The following TCP11L2 variants were observed in gnomAD, a reference collection of about 807,000 sequenced individuals.
TCP11L2 encodes T-complex protein 11-like protein 2.
A neutral mutation model predicts 50.7 loss-of-function variants in TCP11L2; 39 were observed. That is an observed-to-expected ratio of 0.77 (90% CI 0.60 to 1.01). TCP11L2 has a LOEUF of 1.01. Ranked by LOEUF, TCP11L2 falls within the 50% of genes least tolerant of loss-of-function variation. TCP11L2 has a pLI of 0.00. For missense variants in TCP11L2, 612 were observed against 614.7 expected (o/e 1.00, Z 0.05); for synonymous variants, 192 against 219.3 (o/e 0.88, Z 1.10).
intron 8 of TCP11L2, among the ~76,000 whole-genome samples, chr12:106,336,940 C>T (rs2035942676): frequency 1.3e-5 from 2 of 152,206 alleles, no homozygotes; most frequent in Non-Finnish European, 2.9e-5. Context: ...CAATTCTGCC[C>T]TTCAGAGATG....
At chr12:106,316,492 T>G (rs931540290) in intron 3 of TCP11L2, among the ~76,000 whole-genome samples, 2 of 152,042 alleles carry the variant, frequency 1.3e-5, no homozygotes, top group African/African-American at 4.8e-5. Context: ...CTCATAAACT[T>G]TGTTCCTCTG....
intron 5 of TCP11L2, among the ~76,000 whole-genome samples, chr12:106,322,665 T>C (rs970962425): frequency 2.0e-5 from 3 of 152,136 alleles, no homozygotes; most frequent in Non-Finnish European, 2.9e-5. Context: ...GGTGGCCACA[T>C]TGAGAATTGA....
chr12:106,306,824 C>T (rs2034648993), intron 1 of TCP11L2, among the ~76,000 whole-genome samples: 1 of 152,194 alleles, frequency 6.6e-6, no homozygotes, highest in Non-Finnish European at 1.5e-5. Flanking sequence ...TGTTTCTAGT[C>T]AGTAAATAAT....
chr12:106,314,187 T>C (rs1412482299), intron 2 of TCP11L2, among the ~76,000 whole-genome samples, 171 bp from the exon 3 acceptor site: 1 of 152,232 alleles, frequency 6.6e-6, no homozygotes, highest in Non-Finnish European at 1.5e-5. Flanking sequence ...TCTTAAATTT[T>C]TGAAGCCTTT....
intron 4 of TCP11L2, among the ~76,000 whole-genome samples, chr12:106,320,011 C>T (rs575561746): frequency 6.6e-6 from 1 of 152,326 alleles, no homozygotes; most frequent in South Asian, 2.1e-4. Flanking sequence ...GTTCTTTCTT[C>T]CCTGAACTTT....
At chr12:106,335,189 T>C (rs1256983884) in intron 6 of TCP11L2, among the ~76,000 whole-genome samples, 4 of 152,182 alleles carry the variant, frequency 2.6e-5, no homozygotes, top group Middle Eastern at 3.2e-3. Flanking sequence ...CTTTCACCTT[T>C]TACCAAAAAT....
At chr12:106,320,381 A>G (rs1040433123) in intron 4 of TCP11L2, among the ~76,000 whole-genome samples, 4 of 152,076 alleles carry the variant, frequency 2.6e-5, no homozygotes, top group Admixed American at 1.3e-4. Flanking sequence ...CTGGTGACAG[A>G]GCGAGACTCC....
At position 106,303,885 on chromosome 12, in the gene TCP11L2, T is replaced by C. The variant is rs1265912070; in HGVS notation, c.-36+944T>C. 7 of 152,176 alleles carry C rather than the reference T, an allele frequency of 4.6e-5. 1 individual carries two copies. In the East Asian group the frequency reaches 1.4e-3, roughly 29 times the overall value. 9.4% of individuals were successfully genotyped at this position (152,176 alleles called of 1,614,324 possible). ...AAGAGTGGCACTCAAACGACTTAAG[T>C]TTGGGAAATCTTAGATGGTTGTCCT... On this transcript the variant is annotated intron_variant, in intron 1 of 9. Coordinates refer to ENST00000299045, the MANE Select transcript of TCP11L2 (RefSeq NM_152772.3).
chr12:106,336,547 ATTTT>A (rs11449901), intron 8 of TCP11L2, among the ~76,000 whole-genome samples: 151 of 102,150 alleles, frequency 1.5e-3, no homozygotes, highest in Admixed American at 1.9e-3. Flanking sequence ...GAATTGCGCA[ATTTT>A]TTTTTTTTTT....
At position 106,346,345 on chromosome 12, in the gene TCP11L2, A is replaced by T. The variant is rs757062673; in HGVS notation, c.1375A>T (p.Met459Leu). The T allele has an allele frequency of 4.2e-5, 67 of 1,614,004 alleles. No individual in the cohort carries two copies. The Middle Eastern group carries it at 4.9e-4, about 12-fold the overall frequency. The change falls in exon 10 of 10, where the codon ATG becomes TTG. Residue 459 changes from methionine (M) to leucine (L), a missense_variant. Met to Leu is a conservative substitution (Grantham distance 15). Transcript: ENST00000299045. Reference sequence around the variant, plus strand: ...TTGTCTTCCAAGCCCTCAAAAATGCATGCCTCCTATGCCAGGAGGCCTAGC... The same window carrying T: ...TTGTCTTCCAAGCCCTCAAAAATGCTTGCCTCCTATGCCAGGAGGCCTAGC... ...LLCLPSPQKC[M>L]PPMPGGLAVI... is the part of the protein sequence containing the mutation.
intron 6 of TCP11L2, among the ~76,000 whole-genome samples, chr12:106,331,709 G>A (rs890231187): frequency 1.3e-5 from 2 of 152,222 alleles, no homozygotes; most frequent in African/African-American, 4.8e-5. Context: ...TACAGCTAAT[G>A]AGTGGTAAAG....
intron 5 of TCP11L2, among the ~76,000 whole-genome samples, chr12:106,323,104 G>A (rs1160605452): frequency 2.6e-5 from 4 of 152,180 alleles, no homozygotes; most frequent in Admixed American, 2.0e-4. Context: ...CTGGGTTTGG[G>A]CATGAGGCTG....
intron 7 of TCP11L2, 35 bp from the exon 8 acceptor site, chr12:106,335,997 C>A (rs369538875): frequency 5.8e-6 from 9 of 1,539,242 alleles, no homozygotes; most frequent in Non-Finnish European, 7.8e-6. Flanking sequence ...ATTGAGCTAC[C>A]CTTTCTATTT....
At chr12:106,323,434 T>G (rs1015903694) in intron 5 of TCP11L2, 76 bp from the exon 6 acceptor site, 32 of 1,339,380 alleles carry the variant, frequency 2.4e-5, no homozygotes, top group Non-Finnish European at 3.2e-5. Flanking sequence ...GTTTTCAGCC[T>G]GGAACATAGA....
chr12:106,318,571 A>G, intron 4 of TCP11L2, 107 bp downstream of exon 4: 1 of 1,421,138 alleles, frequency 7.0e-7, no homozygotes, highest in Non-Finnish European at 9.5e-7. Flanking sequence ...TTTACTTCTC[A>G]CAGTACTGGA....
chr12:106,309,631 C>T (rs572542956), intron 1 of TCP11L2, among the ~76,000 whole-genome samples: 15 of 151,816 alleles, frequency 9.9e-5, no homozygotes, highest in African/African-American at 3.1e-4. Context: ...CCCCTTCTCC[C>T]GCTCTGCTAA....
intron 6 of TCP11L2, chr12:106,329,721 A>T: frequency 9.4e-7 from 1 of 1,068,348 alleles, no homozygotes; most frequent in Non-Finnish European, 1.1e-6. Context: ...TCAGCTGTAA[A>T]TGATTAAACT....
chr12:106,313,313 G>A (rs12301231), intron 2 of TCP11L2, among the ~76,000 whole-genome samples: 10,143 of 152,050 alleles, frequency 0.067, 365 homozygotes, highest in African/African-American at 0.083. Context: ...GGCTGGGTGC[G>A]GTGGCTTACA....
In TCP11L2 at chr12:106,314,566, TGTGTGTGTGTGA is replaced by T. The variant is rs1338135039; in HGVS notation, c.293+75_293+86del. The T allele has an allele frequency of 1.7e-4, 170 of 994,076 alleles. No homozygotes were observed. The African/African-American group carries it at 3.3e-3, about 19-fold the overall frequency. 61.6% of individuals were successfully genotyped at this position (994,076 alleles called of 1,614,324 possible). A position where few individuals can be genotyped will look rare whatever the true frequency, so the allele number is the denominator to read the frequency against. ...GTGTGTGTGTGTGTGTGTGTGTGTG[TGTGTGTGTGTGA>T]GAGAGAGAGAGAGAGAGAGAGAGAC... On this transcript the variant is annotated intron_variant, in intron 3 of 9. Transcript: ENST00000299045.
Sources: gnomAD v4.1 joint callset for allele counts (sites outside exome capture counted in the v4.1 genomes callset) on GRCh38, gnomAD v4.1.1 for gene constraint, MANE v1.5 for transcripts, NCBI Gene and HGNC (gene_info 2026-07-23, HGNC 2026-07-21) for gene names.